NPAS3: variants seen among roughly 807,000 people sequenced by gnomAD.
The protein encoded by NPAS3 is neuronal PAS domain protein 3.
Under a neutral mutation model 73.1 loss-of-function variants are expected in NPAS3, and 14 were observed. The ratio of observed to expected loss-of-function variants is 0.19; its 90% CI spans 0.13 to 0.30. The LOEUF (loss-of-function observed/expected upper bound fraction) is 0.30. Ranked by LOEUF, NPAS3 falls within the 10% of genes least tolerant of loss-of-function variation. NPAS3 has a pLI of 1.00. For missense variants in NPAS3, 1,096 were observed against 1,250.0 expected, an observed-to-expected ratio of 0.88 and a Z score of 1.86; for synonymous variants, 620 against 541.5, an observed-to-expected ratio of 1.14 and a Z score of -2.01.
At chr14:33,796,819 C>T (rs1420273825) in intron 10 of NPAS3, among the ~76,000 whole-genome samples, 2 of 152,164 alleles carry the variant, frequency 1.3e-5, no homozygotes, top group African/African-American at 2.4e-5. Context: ...CTCTTTCACA[C>T]TGGGACTCTC....
chr14:33,305,428 C>A (rs1442872629), intron 3 of NPAS3, among the ~76,000 whole-genome samples: 1 of 152,000 alleles, frequency 6.6e-6, no homozygotes, highest in Non-Finnish European at 1.5e-5. Flanking sequence ...TCTCACCTTG[C>A]AAAGGGTGAA....
chr14:33,044,701 A>G (rs2040448268), intron 1 of NPAS3, among the ~76,000 whole-genome samples: 1 of 151,764 alleles, frequency 6.6e-6, no homozygotes, highest in African/African-American at 2.4e-5. Flanking sequence ...ACCCATTGAA[A>G]TGACCTGTGA....
Position 33,083,226 on chromosome 14 carries a change from GC to G in NPAS3, c.140+27234del, listed in dbSNP as rs2041919835. The stretch of plus-strand genomic sequence containing the variant: ...AAAAAAAAAAAAAAGAAGGGACTTT[GC>G]CTTTGCCTCCACTCCATGATAGCAG... On this transcript the variant is annotated intron_variant, in intron 2 of 11. Coordinates refer to ENST00000356141, the Ensembl canonical transcript of NPAS3. Among the ~76,000 whole-genome samples the G allele has an allele frequency of 1.2e-3, 3 of 2,540 alleles. 1 individual carries two copies. Among genetic ancestry groups the G allele is most frequent in the Admixed American group, 0.018 (2 of 110 alleles). 1.7% of individuals were successfully genotyped at this position (2,540 alleles called of 152,430 possible).
intron 4 of NPAS3, among the ~76,000 whole-genome samples, chr14:33,523,285 A>G (rs1402367639): frequency 1.3e-5 from 2 of 152,082 alleles, no homozygotes; most frequent in African/African-American, 4.8e-5. Flanking sequence ...GCATGACTCA[A>G]GGCACAGGGA....
chr14:32,985,633 A>T (rs1485931433), intron 1 of NPAS3, among the ~76,000 whole-genome samples: 3 of 152,212 alleles, frequency 2.0e-5, no homozygotes, highest in Non-Finnish European at 4.4e-5. Context: ...AAAAAACAAA[A>T]CAAAACACAA....
intron 3 of NPAS3, among the ~76,000 whole-genome samples, chr14:33,287,287 G>T (rs888240170): frequency 1.3e-5 from 2 of 151,954 alleles, no homozygotes; most frequent in South Asian, 2.1e-4. Context: ...ATTGCACTAA[G>T]AATTTTTTAA....
chr14:33,626,103 C>T (rs891318257), intron 5 of NPAS3, among the ~76,000 whole-genome samples: 3 of 152,150 alleles, frequency 2.0e-5, no homozygotes, highest in East Asian at 1.9e-4. Context: ...TGCGTGTATA[C>T]GTTTATGTCA....
intron 1 of NPAS3, among the ~76,000 whole-genome samples, chr14:32,984,527 A>G (rs1329717693): frequency 6.6e-6 from 1 of 152,202 alleles, no homozygotes; most frequent in African/African-American, 2.4e-5. Context: ...CTTATGCTTC[A>G]GTTCTCTATA....
chr14:33,043,048 C>T (rs1305795519), intron 1 of NPAS3, among the ~76,000 whole-genome samples: 1 of 152,264 alleles, frequency 6.6e-6, no homozygotes, highest in East Asian at 1.9e-4. Context: ...GTAATCTCCT[C>T]CACTCAAATT....
chr14:33,668,549 C>T (rs930447326), intron 5 of NPAS3, among the ~76,000 whole-genome samples: 6 of 152,138 alleles, frequency 3.9e-5, no homozygotes, highest in East Asian at 1.9e-4. Flanking sequence ...GGCGAGGTGG[C>T]GCATGCCTGT....
intron 2 of NPAS3, among the ~76,000 whole-genome samples, chr14:33,163,766 T>C (rs980544312): frequency 6.6e-6 from 1 of 152,190 alleles, no homozygotes; most frequent in Non-Finnish European, 1.5e-5. Context: ...CCAATTCTGC[T>C]GATGGGCTTA....
chr14:33,022,305 T>C (rs1355296991), intron 1 of NPAS3, among the ~76,000 whole-genome samples: 1 of 152,214 alleles, frequency 6.6e-6, no homozygotes, highest in Non-Finnish European at 1.5e-5. Flanking sequence ...ATAAGCTGCT[T>C]AAATATTACC....
chr14:33,796,395 G>A (rs749780660), intron 10 of NPAS3, among the ~76,000 whole-genome samples: 9 of 152,170 alleles, frequency 5.9e-5, no homozygotes, highest in Non-Finnish European at 1.2e-4. Flanking sequence ...TGCTGCTGAA[G>A]CTAATTCACA....
At chr14:33,296,942 C>A (rs1387435827) in intron 3 of NPAS3, among the ~76,000 whole-genome samples, 1 of 152,184 alleles carries the variant, frequency 6.6e-6, no homozygotes, top group South Asian at 2.1e-4. Flanking sequence ...TGTACTTGAG[C>A]CAGCAGGCAG....
At chr14:33,645,703 A>G (rs2058810648) in intron 5 of NPAS3, among the ~76,000 whole-genome samples, 1 of 152,080 alleles carries the variant, frequency 6.6e-6, no homozygotes, top group Non-Finnish European at 1.5e-5. Flanking sequence ...TAATTCAAGG[A>G]CTCTCTCTGT....
chr14:33,735,224 C>T, exon 7 of NPAS3: 2 of 1,612,986 alleles, frequency 1.2e-6, no homozygotes, highest in Non-Finnish European at 1.7e-6. Context: ...TGGAGTCAAC[C>T]AGCCCCAGTC....
chr14:33,641,512 T>C (rs1178879114), intron 5 of NPAS3, among the ~76,000 whole-genome samples: 1 of 152,188 alleles, frequency 6.6e-6, no homozygotes, highest in Non-Finnish European at 1.5e-5. Flanking sequence ...TATAATTGTG[T>C]GTACCACTAG....
At chr14:33,426,908 G>C (rs1049528463) in intron 4 of NPAS3, among the ~76,000 whole-genome samples, 1 of 152,016 alleles carries the variant, frequency 6.6e-6, no homozygotes, top group Non-Finnish European at 1.5e-5. Flanking sequence ...TCAATTGTAG[G>C]ACTTTATGCA....
intron 2 of NPAS3, among the ~76,000 whole-genome samples, chr14:33,119,557 A>G (rs1002972511): frequency 5.9e-5 from 9 of 152,074 alleles, no homozygotes; most frequent in African/African-American, 2.2e-4. Flanking sequence ...AGTCACCAAT[A>G]TGTCTCCTTT....
Sources: gnomAD v4.1 joint callset for allele counts (sites outside exome capture counted in the v4.1 genomes callset) on GRCh38, gnomAD v4.1.1 for gene constraint, MANE v1.5 for transcripts, NCBI Gene and HGNC (gene_info 2026-07-23, HGNC 2026-07-21) for gene names.